The following TAFA5 variants were observed in gnomAD, a reference collection of about 807,000 sequenced individuals.
The protein encoded by TAFA5 is chemokine-like protein TAFA-5.
TAFA5 carries 6 observed loss-of-function variants against 15.3 expected under a neutral mutation model. The observed-to-expected ratio is 0.39, with a 90% CI of 0.21 to 0.77. The LOEUF (loss-of-function observed/expected upper bound fraction) is 0.77. Ranked by LOEUF, TAFA5 falls within the 30% of genes least tolerant of loss-of-function variation. The pLI is 0.41. For synonymous variants in TAFA5, 103 were observed against 80.7 expected, an observed-to-expected ratio of 1.28 and a Z score of -1.48; for missense variants, 161 against 193.1, an observed-to-expected ratio of 0.83 and a Z score of 0.98.
intron 2 of TAFA5, among the ~76,000 whole-genome samples, chr22:48,681,512 GT>G (rs1455447959): frequency 2.7e-5 from 4 of 148,194 alleles, no homozygotes; most frequent in Non-Finnish European, 6.0e-5. Context: ...AAAATTAGGC[GT>G]GGGGGTAGGT....
intron 1 of TAFA5, among the ~76,000 whole-genome samples, chr22:48,518,506 C>T (rs1013961418): frequency 1.3e-5 from 2 of 152,178 alleles, no homozygotes; most frequent in South Asian, 2.1e-4. Context: ...CTCAGGAAAA[C>T]GAGGGCTCTT....
At chr22:48,589,371 C>T (rs1924476573) in intron 1 of TAFA5, among the ~76,000 whole-genome samples, 1 of 152,106 alleles carries the variant, frequency 6.6e-6, no homozygotes, top group Non-Finnish European at 1.5e-5. Context: ...TTGGAGGTCC[C>T]CAAAGACAGA....
chr22:48,692,927 C>T (rs1373837856), intron 2 of TAFA5, among the ~76,000 whole-genome samples: 9 of 152,218 alleles, frequency 5.9e-5, no homozygotes, highest in Admixed American at 4.6e-4. Flanking sequence ...GATGGGGCAC[C>T]GTTGAGGCAG....
At chr22:48,746,898 A>G (rs1353041067) in intron 3 of TAFA5, among the ~76,000 whole-genome samples, 5 of 152,184 alleles carry the variant, frequency 3.3e-5, no homozygotes, top group Non-Finnish European at 5.9e-5. Flanking sequence ...ATCCTCAGGC[A>G]GCTCACCAGC....
intron 1 of TAFA5, among the ~76,000 whole-genome samples, chr22:48,531,681 T>G (rs988504910): frequency 6.6e-6 from 1 of 152,184 alleles, no homozygotes; most frequent in African/African-American, 2.4e-5. Context: ...GCCCTCCTGC[T>G]GAGCTGTCAG....
At position 48,496,176 on chromosome 22, in the gene TAFA5, C is replaced by T. The variant is rs923367196; in HGVS notation, c.112+6472C>T. On this transcript the variant is annotated intron_variant, in intron 1 of 3. Transcript: ENST00000402357. Reference sequence around the variant, plus strand: ...TCCCCATCCCCTCTCCAGTGCTGTGCGTGTGTGTTGTGGTGGCCACTGTCG... The same window carrying T: ...TCCCCATCCCCTCTCCAGTGCTGTGTGTGTGTGTTGTGGTGGCCACTGTCG... Among the ~76,000 whole-genome samples, 7 of 152,190 alleles carry T rather than the reference C, an allele frequency of 4.6e-5. No homozygotes were observed. The East Asian group carries it at 1.2e-3, about 25-fold the overall frequency.
At chr22:48,596,883 A>C (rs1461119089) in intron 1 of TAFA5, among the ~76,000 whole-genome samples, 1 of 152,186 alleles carries the variant, frequency 6.6e-6, no homozygotes, top group Non-Finnish European at 1.5e-5. Context: ...ACCTCAGCTC[A>C]CTGCAGCCTT....
At chr22:48,516,897 T>G (rs1349583985) in intron 1 of TAFA5, among the ~76,000 whole-genome samples, 1 of 152,204 alleles carries the variant, frequency 6.6e-6, no homozygotes, top group African/African-American at 2.4e-5. Context: ...CAGGTCCTGC[T>G]CTCAGAGGGG....
At chr22:48,531,848 A>G (rs1020042255) in intron 1 of TAFA5, among the ~76,000 whole-genome samples, 1 of 151,900 alleles carries the variant, frequency 6.6e-6, no homozygotes, top group African/African-American at 2.4e-5. Flanking sequence ...CCACCCCCCA[A>G]CTCCCCCGGA....
chr22:48,523,704 G>A (rs556268583), intron 1 of TAFA5, among the ~76,000 whole-genome samples: 40 of 152,352 alleles, frequency 2.6e-4, no homozygotes, highest in South Asian at 1.7e-3. Flanking sequence ...CCAGGAAGGA[G>A]CCGCTCCCAG....
At chr22:48,502,843 GA>G (rs1920960707) in intron 1 of TAFA5, among the ~76,000 whole-genome samples, 1 of 152,092 alleles carries the variant, frequency 6.6e-6, no homozygotes, top group African/African-American at 2.4e-5. Context: ...CCTCTATTTC[GA>G]AAAGACACTT....
chr22:48,590,384 A>T (rs904413080), intron 1 of TAFA5, among the ~76,000 whole-genome samples: 1 of 152,210 alleles, frequency 6.6e-6, no homozygotes, highest in African/African-American at 2.4e-5. Context: ...ATAGCTGTGT[A>T]TCAGCTTTTA....
At chr22:48,740,516 C>T (rs1364450499) in intron 3 of TAFA5, among the ~76,000 whole-genome samples, 1 of 152,218 alleles carries the variant, frequency 6.6e-6, no homozygotes, top group African/African-American at 2.4e-5. Context: ...AGCTGTGCCC[C>T]GGCCTCAGTT....
intron 1 of TAFA5, 91 bp from the exon 2 acceptor site, chr22:48,646,506 G>A: frequency 6.6e-7 from 1 of 1,505,172 alleles, no homozygotes; most frequent in Non-Finnish European, 8.9e-7. Context: ...CTGGCTGCTG[G>A]GGGCCCCTCT....
chr22:48,516,505 C>G (rs961220465), intron 1 of TAFA5, among the ~76,000 whole-genome samples: 6 of 152,350 alleles, frequency 3.9e-5, no homozygotes, highest in Admixed American at 3.9e-4. Context: ...CAACTCTCGG[C>G]AGGAGCTGGT....
At chr22:48,513,855 C>T (rs530143547) in intron 1 of TAFA5, among the ~76,000 whole-genome samples, 8 of 152,308 alleles carry the variant, frequency 5.3e-5, no homozygotes, top group South Asian at 4.1e-4. Context: ...CCTGTCTGGG[C>T]GCTGTGGGGG....
At chr22:48,542,433 G>GGT (rs373930088) in intron 1 of TAFA5, among the ~76,000 whole-genome samples, 211 of 129,294 alleles carry the variant, frequency 1.6e-3, no homozygotes, top group Non-Finnish European at 2.8e-3. Flanking sequence ...GTATGTGTGT[G>GGT]GTGTGTGTGT....
intron 1 of TAFA5, among the ~76,000 whole-genome samples, chr22:48,632,649 G>A (rs1926274221): frequency 6.6e-6 from 1 of 152,216 alleles, no homozygotes; most frequent in Admixed American, 6.5e-5. Context: ...GCCCCCTCTG[G>A]AGGCCGTTCT....
Position 48,550,870 on chromosome 22 carries a change from G to A in TAFA5, c.112+61166G>A, listed in dbSNP as rs924182580. Among the ~76,000 whole-genome samples the A allele has an allele frequency of 1.6e-4, 25 of 152,196 alleles. No individual in the cohort carries two copies. The highest frequency in any genetic ancestry group is 6.2e-4 in the South Asian group (3 of 4,816). On this transcript the variant is annotated intron_variant, in intron 1 of 3. Coordinates refer to ENST00000402357, the MANE Select transcript of TAFA5 (RefSeq NM_001082967.3). The surrounding 1 kb of genome is among the most constrained non-coding windows in gnomAD (Gnocchi z 4.1). ...GCCCGGGACCATGTGGATCCCTTTC[G>A]TTCCTGTGTCACCTGGGGGTGAGGC...
Sources: gnomAD v4.1 joint callset for allele counts (sites outside exome capture counted in the v4.1 genomes callset) on GRCh38, gnomAD v4.1.1 for gene constraint, Gnocchi (gnomAD v3.1) non-coding constraint, MANE v1.5 for transcripts, NCBI Gene and HGNC (gene_info 2026-07-23, HGNC 2026-07-21) for gene names.